CRISPLD1: variants seen among roughly 807,000 people sequenced by gnomAD.
CRISPLD1 encodes cysteine-rich secretory protein LCCL domain-containing 1.
CRISPLD1 carries 60 observed loss-of-function variants against 77.5 expected under a neutral mutation model. The ratio of observed to expected loss-of-function variants is 0.77; its 90% CI spans 0.63 to 0.96. The LOEUF is 0.96. Among genes scored for constraint, CRISPLD1 ranks in the 40% least tolerant of loss-of-function variants. The pLI is 0.00. For synonymous variants in CRISPLD1, 195 were observed against 200.1 expected, an observed-to-expected ratio of 0.97 and a Z score of 0.22; for missense variants, 623 against 615.8, an observed-to-expected ratio of 1.01 and a Z score of -0.12.
At chr8:75,012,849 C>T (rs966275109) in intron 3 of CRISPLD1, 41 bp from the exon 4 acceptor site, 2 of 1,575,494 alleles carry the variant, frequency 1.3e-6, no homozygotes, top group Non-Finnish European at 8.6e-7. Flanking sequence ...TGTATTTTCT[C>T]CAACTTTGCT....
chr8:75,016,849 T>C, intron 7 of CRISPLD1, 32 bp from the exon 8 acceptor site: 1 of 1,527,316 alleles, frequency 6.5e-7, no homozygotes, highest in Non-Finnish European at 8.9e-7. Flanking sequence ...TTTTATATTA[T>C]TTAAGTTATT....
chr8:74,995,919 C>T (rs568492072), intron 2 of CRISPLD1, among the ~76,000 whole-genome samples: 14 of 151,922 alleles, frequency 9.2e-5, no homozygotes, highest in East Asian at 3.9e-4. Flanking sequence ...ATATTCCTTA[C>T]GGGAATTTAT....
intron 2 of CRISPLD1, among the ~76,000 whole-genome samples, chr8:75,008,223 G>T (rs928174807): frequency 1.3e-5 from 2 of 152,148 alleles, no homozygotes; most frequent in African/African-American, 2.4e-5. Context: ...CACCTCAAGT[G>T]TATAGAAATG....
At position 75,017,447 on chromosome 8, in the gene CRISPLD1, T is replaced by G; in HGVS notation, c.1124T>G (p.Ile375Ser). The G allele has an allele frequency of 6.3e-7, 1 of 1,599,190 alleles. No homozygotes were observed. The highest frequency in any genetic ancestry group is 2.3e-5 in the East Asian group (1 of 44,274). Residue 375 changes from isoleucine (I) to serine (S), a missense_variant, in exon 10 of 15, where the codon ATT (isoleucine) becomes AGT (serine). Ile to Ser is a moderately radical substitution (Grantham distance 142, BLOSUM62 -2). Coordinates refer to ENST00000262207, the MANE Select transcript of CRISPLD1 (RefSeq NM_031461.6). ...TCCAATAGAAATGGTATTCAAACAA[T>G]TGGGTAAGTACCAAAATAATCTTTT... ...IKSNRNGIQT[I>S]GKYQSANSFT... is the part of the protein sequence containing the mutation.
At chr8:75,000,225 A>G in intron 2 of CRISPLD1, 1 of 985,292 alleles carries the variant, frequency 1.0e-6, no homozygotes. Flanking sequence ...CTTGGTCAAG[A>G]CGTGTCAAAT....
At chr8:75,012,648 TGAAA>T (rs1812953071) in intron 3 of CRISPLD1, 97 bp downstream of exon 3, 1 of 922,742 alleles carries the variant, frequency 1.1e-6, no homozygotes, top group African/African-American at 1.7e-5. Context: ...ACTTGGTGCC[TGAAA>T]GAAAAGTAAT....
intron 2 of CRISPLD1, among the ~76,000 whole-genome samples, chr8:74,993,895 C>T (rs1194451410): frequency 6.6e-6 from 1 of 152,176 alleles, no homozygotes; most frequent in Non-Finnish European, 1.5e-5. Flanking sequence ...TGTGAGTCTC[C>T]AGACAGCCAG....
At chr8:75,000,377 A>G in intron 2 of CRISPLD1, 1 of 985,414 alleles carries the variant, frequency 1.0e-6, no homozygotes, top group Non-Finnish European at 1.2e-6. Context: ...GAAAAGGCCA[A>G]GAGGTCTGCT....
intron 2 of CRISPLD1, among the ~76,000 whole-genome samples, chr8:75,007,042 A>G (rs1409840306): frequency 1.3e-5 from 2 of 152,124 alleles, no homozygotes; most frequent in East Asian, 1.9e-4. Context: ...TTTCATTAAC[A>G]TTCTTGAAAC....
intron 2 of CRISPLD1, among the ~76,000 whole-genome samples, chr8:74,993,807 G>T (rs1812609800): frequency 6.6e-6 from 1 of 152,160 alleles, no homozygotes; most frequent in Non-Finnish European, 1.5e-5. Flanking sequence ...AGCATGTATT[G>T]GGAGTTTACT....
At chr8:74,993,553 T>C (rs1418361750) in intron 2 of CRISPLD1, among the ~76,000 whole-genome samples, 3 of 152,228 alleles carry the variant, frequency 2.0e-5, no homozygotes, top group Non-Finnish European at 2.9e-5. Context: ...TTTGAATATT[T>C]TTAAGACTTC....
chr8:75,031,663 A>G (rs934103124), intron 14 of CRISPLD1, among the ~76,000 whole-genome samples: 3 of 151,912 alleles, frequency 2.0e-5, no homozygotes, highest in East Asian at 1.9e-4. Context: ...CCTTACTAAC[A>G]TTTTCCTTGA....
rs750485110 is a variant in CRISPLD1 at position 75,032,172 on chromosome 8, A to G, written c.1452-19A>G. 2.2e-5 allele frequency: 34 copies of G among 1,511,942 alleles called. No individual in the cohort carries two copies. Among genetic ancestry groups the G allele is most frequent in the Non-Finnish European group, 3.1e-5 (34 of 1,110,474 alleles). 93.7% of individuals were successfully genotyped at this position (1,511,942 alleles called of 1,614,324 possible). ...GAGATGACATCAATATACTTTTCAT[A>G]TATTTTTTTTTTTTGCAGTTTACAG... On this transcript the variant is annotated intron_variant, in intron 14 of 14. Transcript: ENST00000262207.
At chr8:75,005,142 G>C (rs934878590) in intron 2 of CRISPLD1, among the ~76,000 whole-genome samples, 5 of 152,034 alleles carry the variant, frequency 3.3e-5, no homozygotes, top group African/African-American at 1.2e-4. Flanking sequence ...TTAGGTAATT[G>C]AGATGCTCTT....
Position 75,032,392 on chromosome 8 carries a change from C to A in CRISPLD1, c.*150C>A. 3 of 442,086 alleles carry A rather than the reference C, an allele frequency of 6.8e-6. No individual in the cohort carries two copies. The highest frequency in any genetic ancestry group is 1.2e-5 in the Non-Finnish European group (3 of 245,790). The allele number at this position is 442,086 out of a possible 1,614,324, so 27.4% of individuals were successfully genotyped here. ...GCATATAAATCTTGATAAACAAAGTCTATAAAATAAAACATGGGACATTAG... is the reference window on the plus strand; with the variant it reads ...GCATATAAATCTTGATAAACAAAGTATATAAAATAAAACATGGGACATTAG... On this transcript the variant is annotated 3_prime_UTR_variant, in exon 15 of 15. Transcript: ENST00000262207.
chr8:75,000,196 CATG>C, intron 2 of CRISPLD1: 7 of 985,140 alleles, frequency 7.1e-6, no homozygotes, highest in Non-Finnish European at 8.4e-6. Flanking sequence ...GGTAATAAAA[CATG>C]AAACTATATC....
chr8:75,017,503 G>GCT (rs762458786), intron 10 of CRISPLD1, 53 bp downstream of exon 10: 2 of 1,466,578 alleles, frequency 1.4e-6, no homozygotes, highest in Non-Finnish European at 9.2e-7. Context: ...GTAACAGTGA[G>GCT]CTAACACATT....
chr8:75,014,154 A>G (rs1466177790), intron 5 of CRISPLD1, 52 bp downstream of exon 5: 1 of 1,138,396 alleles, frequency 8.8e-7, no homozygotes, highest in Admixed American at 1.7e-5. Context: ...AACAAAATGA[A>G]AATACCTTTA....
chr8:75,016,652 G>A lies in CRISPLD1; in HGVS notation c.815G>A (p.Arg272Gln), dbSNP rs762478757. Residue 272 changes from arginine to glutamine, a missense_variant, in exon 7 of 15, where the codon CGG becomes CAG. Transcript: ENST00000262207. ...TCACAAGTCCATGACACCCATGTCC[G>A]GACAAGATCAGATGATAGTAGCAGA... is the stretch of plus-strand genomic sequence containing the variant. The part of the protein sequence containing the change: ...QQSQVHDTHV[R>Q]TRSDDSSRNE... 1.9e-5 allele frequency: 30 copies of A among 1,613,214 alleles called. No individual in the cohort carries two copies. Among genetic ancestry groups the A allele is most frequent in the African/African-American group, 1.6e-4 (12 of 74,996 alleles).
Sources: allele counts gnomAD v4.1 joint callset (sites outside exome capture counted in the v4.1 genomes callset), GRCh38; gene constraint gnomAD v4.1.1; transcripts MANE v1.5; gene names NCBI Gene and HGNC (gene_info 2026-07-23, HGNC 2026-07-21).